LRMDA: variants seen among roughly 807,000 people sequenced by gnomAD.
LRMDA encodes leucine rich melanocyte differentiation associated.
In LRMDA, 18 loss-of-function variants were observed where a neutral mutation model predicts 29.8. That is an observed-to-expected ratio of 0.60 (90% confidence interval 0.42 to 0.90). The LOEUF (loss-of-function observed/expected upper bound fraction) is 0.90, where lower values mean the gene tolerates loss of function less well. LRMDA is among the 40% of genes least tolerant of loss of function. LRMDA has a pLI of 0.00. For missense variants in LRMDA, 273 were observed against 273.9 expected (o/e 1.00, Z 0.02); for synonymous variants, 125 against 109.4 (o/e 1.14, Z -0.89).
intron 6 of LRMDA, among the ~76,000 whole-genome samples, chr10:76,338,828 G>A (rs78051646): frequency 0.065 from 9,878 of 152,192 alleles, 382 homozygotes; most frequent in African/African-American, 0.11. Context: ...TCCAGGAAGA[G>A]CAATGTTAAT....
chr10:75,812,300 C>T (rs575623683), intron 2 of LRMDA, among the ~76,000 whole-genome samples: 23 of 151,870 alleles, frequency 1.5e-4, no homozygotes, highest in East Asian at 3.9e-4. Context: ...ATAAACTCTT[C>T]GAAAAACTGT....
At chr10:76,270,720 C>T (rs1396468479) in intron 5 of LRMDA, 1 of 152,108 alleles carries the variant, frequency 6.6e-6, no homozygotes, top group African/African-American at 2.4e-5. Context: ...TATTCCAGCT[C>T]AGGGCAGCAT....
chr10:76,079,421 C>T (rs550441042), intron 5 of LRMDA, among the ~76,000 whole-genome samples: 1 of 152,238 alleles, frequency 6.6e-6, no homozygotes, highest in African/African-American at 2.4e-5. Flanking sequence ...ATGGGCTCCT[C>T]AGGGAAAACA....
chr10:76,470,285 T>C (rs1289896779), intron 6 of LRMDA: 1 of 152,022 alleles, frequency 6.6e-6, no homozygotes, highest in Non-Finnish European at 1.5e-5. Flanking sequence ...AATTATATAA[T>C]AATAAAAAGA....
Position 75,962,845 on chromosome 10 carries a change from C to T in LRMDA, c.132-73163C>T, listed in dbSNP as rs1267924106. On this transcript the variant is annotated intron_variant, in intron 2 of 6. Transcript: ENST00000611255. ...GTGACTTGTTTTTGCTAAGCTTTAA[C>T]TTGTCCCCTGTTTATTTCTCTTTCC... Among the ~76,000 whole-genome samples the T allele has an allele frequency of 5.3e-5, 8 of 152,172 alleles. No individual in the cohort carries two copies. In the East Asian group the frequency reaches 1.3e-3, roughly 26 times the overall value.
chr10:76,254,277 G>C (rs911066989), intron 5 of LRMDA, among the ~76,000 whole-genome samples: 1 of 60,582 alleles, frequency 1.7e-5, no homozygotes, highest in African/African-American at 6.3e-5. Context: ...AATATCTGTG[G>C]AAATTACTAT....
intron 2 of LRMDA, among the ~76,000 whole-genome samples, chr10:75,668,012 T>G (rs1054571291): frequency 6.6e-6 from 1 of 152,186 alleles, no homozygotes; most frequent in Admixed American, 6.5e-5. Context: ...TTTGGTTAAT[T>G]CCAAAATCAA....
intron 5 of LRMDA, among the ~76,000 whole-genome samples, chr10:76,259,547 G>C (rs1230171602): frequency 6.6e-6 from 1 of 152,044 alleles, no homozygotes; most frequent in Non-Finnish European, 1.5e-5. Flanking sequence ...GTAGCTGTTG[G>C]CTGAAATGTT....
At chr10:76,013,307 T>C (rs1476912327) in intron 2 of LRMDA, among the ~76,000 whole-genome samples, 1 of 151,954 alleles carries the variant, frequency 6.6e-6, no homozygotes, top group Non-Finnish European at 1.5e-5. Context: ...TTTTTTTTTT[T>C]TTTGCTTTGA....
In LRMDA at chr10:76,211,020, G is replaced by A. The variant is rs80018178; in HGVS notation, c.517-113381G>A. 2.8e-3 allele frequency among the ~76,000 whole-genome samples: 426 copies of A among 152,296 alleles called. 2 individuals carry two copies. Among genetic ancestry groups the A allele is most frequent in the Middle Eastern group, 0.017 (5 of 294 alleles). On this transcript the variant is annotated intron_variant, in intron 5 of 6. Transcript: ENST00000611255. The stretch of plus-strand genomic sequence containing the variant: ...ACTCACAGACAGTCTCCTGTGCTCT[G>A]GTTGGAGGGTTTCCATTGGTCCAAC...
intron 2 of LRMDA, among the ~76,000 whole-genome samples, chr10:75,632,783 T>TA (rs1564526961): frequency 6.4e-5 from 4 of 62,718 alleles, no homozygotes; most frequent in African/African-American, 2.7e-4. Context: ...TTTAGTTTAG[T>TA]TTTTTTTTTT....
rs896662160 is a variant in LRMDA at position 76,515,529 on chromosome 10, AG to A, written c.602-41677del. The stretch of plus-strand genomic sequence containing the variant: ...TCTTTTTTTCTCTTTTTTTTGAGAC[AG>A]GGTTTCACTCTGTCACCCGGGCTGG... On this transcript the variant is annotated intron_variant, in intron 6 of 6. Coordinates refer to ENST00000611255, the MANE Select transcript of LRMDA (RefSeq NM_001305581.2). Among the ~76,000 whole-genome samples the A allele has an allele frequency of 2.0e-5, 3 of 152,194 alleles. No individual in the cohort carries two copies. The East Asian group carries it at 5.8e-4, about 29-fold the overall frequency.
chr10:76,054,380 T>C (rs1848576390), intron 4 of LRMDA, among the ~76,000 whole-genome samples: 3 of 152,094 alleles, frequency 2.0e-5, no homozygotes, highest in Non-Finnish European at 2.9e-5. Flanking sequence ...AAGAGTGATC[T>C]GAAAACAGCA....
chr10:76,182,291 C>T (rs1363012384), intron 5 of LRMDA, among the ~76,000 whole-genome samples: 1 of 152,108 alleles, frequency 6.6e-6, no homozygotes, highest in Non-Finnish European at 1.5e-5. Flanking sequence ...AGAACTCCCT[C>T]ACTATCATGA....
chr10:76,111,790 AC>A (rs1241164729), intron 5 of LRMDA, among the ~76,000 whole-genome samples: 1 of 121,754 alleles, frequency 8.2e-6, no homozygotes, highest in East Asian at 2.9e-4. Flanking sequence ...TTTAGAAATC[AC>A]CCCCGCCGAA....
chr10:76,269,829 G>C (rs957397813), intron 5 of LRMDA, among the ~76,000 whole-genome samples: 28 of 152,196 alleles, frequency 1.8e-4, no homozygotes, highest in Non-Finnish European at 5.9e-5. Context: ...AGTTCAGAGA[G>C]GTTAAGTTCC....
chr10:76,363,176 A>AGAAAGAAGGAG (rs1459442138), intron 6 of LRMDA, among the ~76,000 whole-genome samples: 3 of 21,794 alleles, frequency 1.4e-4, no homozygotes, highest in Non-Finnish European at 2.3e-4. Context: ...AAAGAAAGAA[A>AGAAAGAAGGAG]GGAGGGAGGG....
At position 75,859,269 on chromosome 10, in the gene LRMDA, A is replaced by C. The variant is rs560284591; in HGVS notation, c.132-176739A>C. Among the ~76,000 whole-genome samples, 166 of 152,284 alleles carry C rather than the reference A, an allele frequency of 1.1e-3. 1 individual carries two copies. Among genetic ancestry groups the C allele is most frequent in the African/African-American group, 3.7e-3 (154 of 41,556 alleles). ...TAATCATAGGGTTTGCACATTTTAA[A>C]TGGTACTGGATGCTGTCAGTTTGGC... On this transcript the variant is annotated intron_variant, in intron 2 of 6. Transcript: ENST00000611255.
intron 5 of LRMDA, among the ~76,000 whole-genome samples, chr10:76,240,552 C>T (rs150068445): frequency 0.02 from 3,019 of 149,478 alleles, 34 homozygotes; most frequent in Middle Eastern, 0.05. Context: ...AGTACAACCA[C>T]TATGGAAAAC....
Sources: gnomAD v4.1 joint callset for allele counts (sites outside exome capture counted in the v4.1 genomes callset) on GRCh38, gnomAD v4.1.1 for gene constraint, MANE v1.5 for transcripts, NCBI Gene and HGNC (gene_info 2026-07-23, HGNC 2026-07-21) for gene names.